RANBP1: variants seen among roughly 807,000 people sequenced by gnomAD.
RANBP1 encodes the protein ran-specific GTPase-activating protein.
Under a neutral mutation model 31.4 loss-of-function variants are expected in RANBP1, and 16 were observed. That is an observed-to-expected ratio of 0.51 (90% CI 0.34 to 0.77). The LOEUF is 0.77. RANBP1 is among the 30% of genes least tolerant of loss of function. The probability of loss-of-function intolerance (pLI) is 0.01; values close to 1 mark genes in which losing one functional copy is unlikely to be tolerated. For synonymous variants in RANBP1, 129 were observed against 140.5 expected (o/e 0.92, Z 0.58); for missense variants, 265 against 362.0 (o/e 0.73, Z 2.17).
intron 1 of RANBP1, chr22:20,116,823 A>ACCCCCCCCCCCCCCCCCCCC: frequency 7.7e-7 from 1 of 1,294,020 alleles, no homozygotes; most frequent in Non-Finnish European, 1.1e-6. Flanking sequence ...AGGTTTCCTG[A>ACCCCCCCCCCCCCCCCCCCC]CCCACCCCGC....
At chr22:20,117,020 G>A in intron 1 of RANBP1, 2 of 1,381,658 alleles carry the variant, frequency 1.4e-6, no homozygotes, top group Admixed American at 2.1e-5. Flanking sequence ...TCAGAGGGGA[G>A]GTGCTCACAG....
chr22:20,125,738 G>A (rs1368894316), intron 4 of RANBP1: 2 of 1,117,862 alleles, frequency 1.8e-6, no homozygotes, highest in South Asian at 1.6e-5. Flanking sequence ...AGTTGTTGCG[G>A]AGCCTGAGGC....
chr22:20,118,980 G>A (rs549509298), intron 1 of RANBP1, 33 bp from the exon 2 acceptor site: 5 of 1,605,078 alleles, frequency 3.1e-6, no homozygotes, highest in African/African-American at 2.7e-5. Context: ...CAGATCCATA[G>A]GCCAGCAGTG....
At chr22:20,125,054 G>A (rs979168357) in intron 3 of RANBP1, 6 of 468,314 alleles carry the variant, frequency 1.3e-5, no homozygotes, top group South Asian at 2.2e-5. Flanking sequence ...ATGGCCTTAC[G>A]GTCAGGGAAC....
At chr22:20,118,507 C>T (rs1475680017) in intron 1 of RANBP1, among the ~76,000 whole-genome samples, 2 of 152,256 alleles carry the variant, frequency 1.3e-5, no homozygotes, top group East Asian at 3.9e-4. Flanking sequence ...CGACTTTTTT[C>T]GTTTTACTAA....
intron 3 of RANBP1, among the ~76,000 whole-genome samples, chr22:20,123,302 TA>T (rs143558410): frequency 1 from 56,479 of 56,502 alleles, 28,229 homozygotes; most frequent in Middle Eastern, 1. Context: ...TTGTGGTGTC[TA>T]AGGGGTGTGG....
intron 2 of RANBP1, among the ~76,000 whole-genome samples, chr22:20,121,527 C>T (rs1463714306): frequency 6.6e-6 from 1 of 151,856 alleles, no homozygotes; most frequent in Non-Finnish European, 1.5e-5. Flanking sequence ...GGATTACAGG[C>T]GTGGGCCACT....
chr22:20,126,101 G>A (rs565257760), intron 4 of RANBP1, among the ~76,000 whole-genome samples: 2 of 152,366 alleles, frequency 1.3e-5, no homozygotes, highest in East Asian at 1.9e-4. Flanking sequence ...CTGAGGGTCC[G>A]TGCTCTACCG....
At position 20,126,436 on chromosome 22, in the gene RANBP1, C is replaced by T. The variant is rs765556887; in HGVS notation, c.736+68C>T. 8.1e-6 allele frequency: 13 copies of T among 1,611,380 alleles called. No homozygotes were observed. In the East Asian group the frequency reaches 2.2e-4, roughly 28 times the overall value. ...CTCTGCATCTGACTATACTTCCAGG[C>T]GGGTGCTTTTTCTGTCTGCCAGATA... On this transcript the variant is annotated intron_variant, in intron 5 of 5. Transcript: ENST00000430524.
At chr22:20,116,782 G>A in intron 1 of RANBP1, 3 of 1,340,612 alleles carry the variant, frequency 2.2e-6, no homozygotes, top group Middle Eastern at 1.9e-4. Context: ...CTCCCCTATC[G>A]CACCTGCCTC....
rs375149255 is a variant in RANBP1 at position 20,126,931 on chromosome 22, C to T, written c.737-21C>T. On this transcript the variant is annotated intron_variant, in intron 5 of 5. Coordinates refer to ENST00000430524, the MANE Select transcript of RANBP1 (RefSeq NM_001278639.2). ...AATGCACCGTGCTTCTGTTTTCTCA[C>T]TGTGCTGCTTGTGTTTTTAGCAGGA... 7.5e-6 allele frequency: 12 copies of T among 1,609,482 alleles called. No individual in the cohort carries two copies. In the African/African-American group the frequency reaches 1.6e-4, roughly 22 times the overall value.
At chr22:20,119,686 T>G (rs2050133911) in intron 2 of RANBP1, among the ~76,000 whole-genome samples, 1 of 152,136 alleles carries the variant, frequency 6.6e-6, no homozygotes, top group African/African-American at 2.4e-5. Context: ...CAGCTAATTT[T>G]TTGTATTTTT....
intron 2 of RANBP1, among the ~76,000 whole-genome samples, chr22:20,121,941 G>A (rs975081662): frequency 3.3e-5 from 5 of 152,130 alleles, no homozygotes; most frequent in Non-Finnish European, 7.3e-5. Flanking sequence ...GTTTCACCAT[G>A]TTGGCCAGGC....
chr22:20,120,669 G>A (rs2050152319), intron 2 of RANBP1, among the ~76,000 whole-genome samples: 1 of 152,210 alleles, frequency 6.6e-6, no homozygotes, highest in Non-Finnish European at 1.5e-5. Flanking sequence ...GCTGCTCCTG[G>A]GCAGGAGGGC....
intron 1 of RANBP1, chr22:20,117,646 C>A: frequency 1.6e-6 from 2 of 1,237,016 alleles, no homozygotes; most frequent in Non-Finnish European, 2.0e-6. Context: ...GCCGCCGCGC[C>A]CCCATGGCGG....
chr22:20,125,649 G>A, intron 4 of RANBP1: 9 of 1,447,700 alleles, frequency 6.2e-6, no homozygotes, highest in Non-Finnish European at 8.2e-6. Context: ...GCTGTGCCAA[G>A]TAGCTGGTGA....
chr22:20,125,259 C>A, intron 3 of RANBP1, 49 bp from the exon 4 acceptor site: 2 of 1,606,864 alleles, frequency 1.2e-6, no homozygotes, highest in Non-Finnish European at 1.7e-6. Context: ...GCTGGGTGGG[C>A]TGGCCTTTGC....
In RANBP1 at chr22:20,126,994, A is replaced by G; in HGVS notation, c.779A>G (p.Lys260Arg). ...GATCATGCCGAAAAAGTGGCGGAAA[A>G]GCTAGAAGCTCTCTCGGTGAAGGAG... is the stretch of plus-strand genomic sequence containing the variant. ...KNDHAEKVAE[K>R]LEALSVKEET... The change falls in exon 6 of 6, where the codon AAG becomes AGG. Residue 260 changes from lysine (K) to arginine (R), a missense_variant. This residue lies in a region of RANBP1 where 49 missense variants were observed against 47.9 expected (regional missense o/e 1.02). Transcript: ENST00000430524. The G allele has an allele frequency of 1.2e-6, 2 of 1,613,448 alleles. No homozygotes were observed. The highest frequency in any genetic ancestry group is 3.3e-4 in the Middle Eastern group (2 of 6,054).
intron 2 of RANBP1, among the ~76,000 whole-genome samples, chr22:20,121,204 T>C (rs2050162309): frequency 6.6e-6 from 1 of 151,644 alleles, no homozygotes; most frequent in African/African-American, 2.4e-5. Context: ...CCACCTGCCT[T>C]GGCCTCCCAA....
Sources: gnomAD v4.1 joint callset for allele counts (sites outside exome capture counted in the v4.1 genomes callset) on GRCh38, gnomAD v4.1.1 for gene constraint, gnomAD v4.1.1 regional missense constraint, MANE v1.5 for transcripts, NCBI Gene and HGNC (gene_info 2026-07-23, HGNC 2026-07-21) for gene names.